Variants in PHC3 observed in about 807,000 individuals in gnomAD.
PHC3 encodes polyhomeotic homolog 3, also known as polyhomeotic-like protein 3.
PHC3 carries 13 observed loss-of-function variants against 107.4 expected under a neutral mutation model. The observed-to-expected ratio is 0.12, with a 90% CI of 0.08 to 0.19. The LOEUF is 0.19. Ranked by LOEUF, PHC3 falls within the 10% of genes least tolerant of loss-of-function variation. The pLI is 1.00. For synonymous variants in PHC3, 456 were observed against 427.4 expected (o/e 1.07, Z -0.83); for missense variants, 992 against 1,210.9 (o/e 0.82, Z 2.68).
At chr3:170,145,334 C>T in intron 6 of PHC3, 89 bp downstream of exon 6, 1 of 967,846 alleles carries the variant, frequency 1.0e-6, no homozygotes, top group South Asian at 1.9e-5. Flanking sequence ...GCACTGAAAC[C>T]ATCAGTAACT....
intron 8 of PHC3, chr3:170,126,131 AC>A (rs1438181947): frequency 4.8e-6 from 1 of 209,134 alleles, no homozygotes; most frequent in African/African-American, 2.4e-5. Flanking sequence ...TTGAAAATTC[AC>A]CCTTATCTTT....
Position 170,090,621 on chromosome 3 carries a change from A to C in PHC3, c.*6609T>G, listed in dbSNP as rs1401204032. On this transcript the variant is annotated 3_prime_UTR_variant, in exon 15 of 15. Coordinates refer to ENST00000495893, the MANE Select transcript of PHC3 (RefSeq NM_024947.4). Reference sequence around the variant, plus strand: ...ATTAAGTATAAAATGAACCCTTAAAAAAGGAAAGAGAATAAAGTAGGAATA... The same window carrying C: ...ATTAAGTATAAAATGAACCCTTAAACAAGGAAAGAGAATAAAGTAGGAATA... 1 of 152,194 alleles carries C rather than the reference A, an allele frequency of 6.6e-6. No individual in the cohort carries two copies. The highest frequency in any genetic ancestry group is 2.4e-5 in the African/African-American group (1 of 41,458). 9.4% of individuals were successfully genotyped at this position (152,194 alleles called of 1,614,324 possible).
chr3:170,114,304 C>T (rs753733062), intron 10 of PHC3, among the ~76,000 whole-genome samples: 75 of 152,210 alleles, frequency 4.9e-4, no homozygotes, highest in African/African-American at 1.7e-3. Flanking sequence ...CCACTGCGCC[C>T]GGCCAATTTT....
chr3:170,143,194 A>C (rs1724382853), intron 6 of PHC3, among the ~76,000 whole-genome samples: 1 of 152,178 alleles, frequency 6.6e-6, no homozygotes, highest in Non-Finnish European at 1.5e-5. Context: ...TAAATAACTA[A>C]ATAAATCAAT....
intron 4 of PHC3, among the ~76,000 whole-genome samples, chr3:170,154,205 A>G (rs1726518034): frequency 6.6e-6 from 1 of 152,190 alleles, no homozygotes; most frequent in African/African-American, 2.4e-5. Context: ...TCTTCATTCA[A>G]TAAGCTTATT....
intron 5 of PHC3, chr3:170,147,420 T>C (rs1465424510): frequency 6.6e-6 from 1 of 152,148 alleles, no homozygotes; most frequent in Non-Finnish European, 1.5e-5. Flanking sequence ...TCTAAGTAAA[T>C]TCAACAACAA....
At position 170,102,893 on chromosome 3, in the gene PHC3, C is replaced by G. The variant is rs1486105760; in HGVS notation, c.2510G>C (p.Trp837Ser). 1 of 1,613,514 alleles carries G rather than the reference C, an allele frequency of 6.2e-7. No individual in the cohort carries two copies. Among genetic ancestry groups the G allele is most frequent in the East Asian group, 2.2e-5 (1 of 44,844 alleles). Residue 837 changes from tryptophan to serine, a missense_variant, in exon 13 of 15, where the codon TGG (tryptophan) becomes TCG (serine). Coordinates refer to ENST00000495893, the MANE Select transcript of PHC3 (RefSeq NM_024947.4). Reference protein sequence around the residue: ...SCSKKFALSRWNRKPDNQSLG... With the variant: ...SCSKKFALSRSNRKPDNQSLG... Reference sequence around the variant, plus strand: ...ACTTTGATTATCAGGCTTACGATTCCAACGACTAAGTGCAAATTTTTTAGA... The same window carrying G: ...ACTTTGATTATCAGGCTTACGATTCGAACGACTAAGTGCAAATTTTTTAGA...
At chr3:170,150,209 A>G (rs1341592410) in intron 4 of PHC3, among the ~76,000 whole-genome samples, 1 of 152,186 alleles carries the variant, frequency 6.6e-6, no homozygotes, top group East Asian at 1.9e-4. Context: ...GTTTGTGAAC[A>G]AAAATTAAAA....
Position 170,089,925 on chromosome 3 carries a change from AAAAG to A in PHC3, c.*7301_*7304del, listed in dbSNP as rs1416297117. The A allele has an allele frequency of 4.9e-3, 723 of 147,782 alleles. 10 individuals are homozygous for A. The highest frequency in any genetic ancestry group is 0.018 in the African/African-American group (690 of 38,268). The allele number at this position is 147,782 out of a possible 1,614,324, so 9.2% of individuals were successfully genotyped here. Reference sequence around the variant, plus strand: ...GAGCGAACCCATCTCAAAAAAAAAAAAAAGAAAAAAAAAAAAAAAGAAAGAAAGT... The same window carrying A: ...GAGCGAACCCATCTCAAAAAAAAAAAAAAAAAAAAAAAAAAGAAAGAAAGT... On this transcript the variant is annotated 3_prime_UTR_variant, in exon 15 of 15. Coordinates refer to ENST00000495893, the MANE Select transcript of PHC3 (RefSeq NM_024947.4).
chr3:170,136,862 G>C (rs1723156265), intron 6 of PHC3, among the ~76,000 whole-genome samples, 197 bp from the exon 7 acceptor site: 1 of 151,036 alleles, frequency 6.6e-6, no homozygotes, highest in Non-Finnish European at 1.5e-5. Context: ...TAAATATTAA[G>C]TGGCAATTTT....
At chr3:170,127,959 C>T (rs1002755795) in intron 8 of PHC3, among the ~76,000 whole-genome samples, 2 of 152,158 alleles carry the variant, frequency 1.3e-5, no homozygotes, top group African/African-American at 2.4e-5. Context: ...TTTTACTCCT[C>T]TAAATGGATT....
intron 2 of PHC3, among the ~76,000 whole-genome samples, chr3:170,174,927 A>G (rs1340676473): frequency 6.6e-6 from 1 of 152,218 alleles, no homozygotes; most frequent in African/African-American, 2.4e-5. Context: ...ACTGGACTGT[A>G]TACGGAAAAA....
intron 11 of PHC3, among the ~76,000 whole-genome samples, 151 bp from the exon 12 acceptor site, chr3:170,107,097 A>G (rs1474985554): frequency 1.3e-5 from 2 of 152,246 alleles, no homozygotes; most frequent in East Asian, 3.8e-4. Context: ...AAAAGCCTTC[A>G]AAACACAACC....
intron 2 of PHC3, among the ~76,000 whole-genome samples, chr3:170,175,933 A>C (rs1273508673): frequency 1.2e-4 from 18 of 149,982 alleles, no homozygotes; most frequent in African/African-American, 3.4e-4. Context: ...CAAAAAAAAA[A>C]AAAACAAAAC....
intron 11 of PHC3, among the ~76,000 whole-genome samples, chr3:170,110,662 G>A (rs990913114): frequency 6.6e-6 from 1 of 152,134 alleles, no homozygotes; most frequent in Non-Finnish European, 1.5e-5. Flanking sequence ...ATTAAAAGCT[G>A]CTGGAGGGAA....
chr3:170,134,199 T>C (rs1321796550), intron 7 of PHC3, among the ~76,000 whole-genome samples: 1 of 151,756 alleles, frequency 6.6e-6, no homozygotes, highest in South Asian at 2.1e-4. Flanking sequence ...TATATATATA[T>C]ATATTTTTGA....
chr3:170,165,782 T>C (rs1278302662), intron 4 of PHC3, among the ~76,000 whole-genome samples: 6 of 118,148 alleles, frequency 5.1e-5, no homozygotes, highest in Admixed American at 4.4e-4. Flanking sequence ...AAAAAAAGAA[T>C]TATATGACAA....
chr3:170,133,399 G>C (rs967558123), intron 7 of PHC3, among the ~76,000 whole-genome samples: 1 of 152,018 alleles, frequency 6.6e-6, no homozygotes. Context: ...GGATGGTCTC[G>C]ATCTCTTGAC....
chr3:170,136,292 T>C (rs1723063500), intron 7 of PHC3, 127 bp downstream of exon 7: 2 of 1,153,296 alleles, frequency 1.7e-6, no homozygotes, highest in East Asian at 5.2e-5. Flanking sequence ...AGATTAAGTT[T>C]ATAAAATTCA....
Sources: allele counts gnomAD v4.1 joint callset (sites outside exome capture counted in the v4.1 genomes callset), GRCh38; gene constraint gnomAD v4.1.1; transcripts MANE v1.5; gene names NCBI Gene and HGNC (gene_info 2026-07-23, HGNC 2026-07-21).